UGT2B4: variants seen among roughly 807,000 people sequenced by gnomAD.
UGT2B4 encodes UDP glucuronosyltransferase family 2 member B4.
A neutral mutation model predicts 49.8 loss-of-function variants in UGT2B4; 49 were observed. The observed-to-expected ratio is 0.98, with a 90% CI of 0.78 to 1.25. UGT2B4 has a LOEUF of 1.25. Among genes scored for constraint, UGT2B4 ranks in the 50% most tolerant of loss-of-function variants. The probability of loss-of-function intolerance (pLI) is 0.00; values close to 1 mark genes in which losing one functional copy is unlikely to be tolerated. For synonymous variants in UGT2B4, 246 were observed against 217.7 expected, an observed-to-expected ratio of 1.13 and a Z score of -1.14; for missense variants, 729 against 627.7, an observed-to-expected ratio of 1.16 and a Z score of -1.73.
At chr4:69,525,302 A>G (rs903289519) in intron 1 of UGT2B4, among the ~76,000 whole-genome samples, 3 of 152,134 alleles carry the variant, frequency 2.0e-5, no homozygotes, top group Non-Finnish European at 4.4e-5. Context: ...TTGTCTTGAT[A>G]ATAGTAAATG....
At chr4:69,523,384 A>T (rs544494805) in intron 1 of UGT2B4, among the ~76,000 whole-genome samples, 1 of 152,280 alleles carries the variant, frequency 6.6e-6, no homozygotes, top group East Asian at 1.9e-4. Flanking sequence ...ATGTAATGTT[A>T]TCAGGCATGA....
intron 1 of UGT2B4, among the ~76,000 whole-genome samples, chr4:69,505,561 A>G (rs1277543870): frequency 6.6e-6 from 1 of 152,200 alleles, no homozygotes; most frequent in Admixed American, 6.5e-5. Flanking sequence ...ACCCAGATTC[A>G]TAAAGCAAGT....
intron 3 of UGT2B4, among the ~76,000 whole-genome samples, chr4:69,486,899 G>A (rs1727803528): frequency 1.3e-5 from 2 of 152,050 alleles, no homozygotes; most frequent in African/African-American, 4.8e-5. Flanking sequence ...TTTCAAAATA[G>A]TAGCTTAGAC....
chr4:69,504,432 C>T (rs1281568465), intron 1 of UGT2B4, among the ~76,000 whole-genome samples: 1 of 152,000 alleles, frequency 6.6e-6, no homozygotes, highest in African/African-American at 2.4e-5. Context: ...GGAAATTATA[C>T]CACATGAATT....
chr4:69,518,421 C>T (rs1227978308), intron 1 of UGT2B4: 1 of 152,220 alleles, frequency 6.6e-6, no homozygotes, highest in Non-Finnish European at 1.5e-5. Context: ...ACCTCACACA[C>T]TGCTGTGCAG....
Position 69,495,593 on chromosome 4 carries a change from A to T in UGT2B4, c.269T>A (p.Ile90Asn). The change falls in exon 1 of 6, where the codon ATC (isoleucine) becomes AAC (asparagine). Residue 90 changes from isoleucine to asparagine, a missense_variant. By Grantham distance (149) the Ile-to-Asn change is moderately radical. Coordinates refer to ENST00000305107, the MANE Select transcript of UGT2B4 (RefSeq NM_021139.3). ...SLTKTEFEDI[I>N]KQLVKRWAEL... Reference sequence around the variant, plus strand: ...TGCCCATCTCTTAACCAGCTGCTTGATAATATCCTCAAACTCAGTTTTAGT... The same window carrying T: ...TGCCCATCTCTTAACCAGCTGCTTGTTAATATCCTCAAACTCAGTTTTAGT... 6.2e-7 allele frequency: 1 copy of T among 1,613,998 alleles called. No homozygotes were observed. Among genetic ancestry groups the T allele is most frequent in the Non-Finnish European group, 8.5e-7 (1 of 1,179,980 alleles).
chr4:69,511,873 G>A (rs1316346760), intron 1 of UGT2B4, among the ~76,000 whole-genome samples: 1 of 151,916 alleles, frequency 6.6e-6, no homozygotes, highest in Non-Finnish European at 1.5e-5. Flanking sequence ...ATTTATTCAT[G>A]ACTCAGTCTT....
At chr4:69,489,699 C>G in intron 2 of UGT2B4, 129 bp from the exon 3 acceptor site, 1 of 1,349,622 alleles carries the variant, frequency 7.4e-7, no homozygotes, top group Non-Finnish European at 1.0e-6. Context: ...TGTTTTTTAA[C>G]TGACTCAATT....
intron 1 of UGT2B4, among the ~76,000 whole-genome samples, chr4:69,521,252 C>A (rs1470253083): frequency 1.3e-5 from 2 of 152,216 alleles, no homozygotes; most frequent in African/African-American, 4.8e-5. Context: ...ACAAACCAGC[C>A]TGAAACATGT....
intron 2 of UGT2B4, among the ~76,000 whole-genome samples, chr4:69,492,811 T>C (rs41300012): frequency 0.01 from 1,596 of 152,256 alleles, 25 homozygotes; most frequent in African/African-American, 0.036. Context: ...TAGGTAATTC[T>C]ATCCACTTTC....
chr4:69,485,907 C>T (rs956789039), intron 4 of UGT2B4, among the ~76,000 whole-genome samples: 2 of 152,042 alleles, frequency 1.3e-5, no homozygotes, highest in Non-Finnish European at 2.9e-5. Context: ...ACTGCAGGGA[C>T]AAACAGCCAT....
chr4:69,486,440 G>T (rs1727785438), intron 4 of UGT2B4, 169 bp downstream of exon 4: 2 of 270,780 alleles, frequency 7.4e-6, no homozygotes. Flanking sequence ...ATCATAAAAT[G>T]CCAACAATTT....
intron 4 of UGT2B4, among the ~76,000 whole-genome samples, chr4:69,485,703 G>GA (rs1472864696): frequency 6.6e-6 from 1 of 151,798 alleles, no homozygotes; most frequent in South Asian, 2.1e-4. Flanking sequence ...GTGCAGAAAA[G>GA]AAAAAAAGCA....
Position 69,495,801 on chromosome 4 carries a change from C to T in UGT2B4, c.61G>A (p.Gly21Arg), listed in dbSNP as rs1728145423. ...CACACCAGCACCTTTCCACAACTCCCAGAGCTAAAGTAACAGCTCAGCTGT... is the reference window on the plus strand; with the variant it reads ...CACACCAGCACCTTTCCACAACTCCTAGAGCTAAAGTAACAGCTCAGCTGT... ...LIQLSCYFSSGSCGKVLVWPT... is the reference protein window; with the variant it reads ...LIQLSCYFSSRSCGKVLVWPT... The change falls in exon 1 of 6, where the codon GGG becomes AGG. Residue 21 changes from glycine to arginine, a missense_variant. By Grantham distance (125) the Gly-to-Arg change is moderately radical. Coordinates refer to ENST00000305107, the MANE Select transcript of UGT2B4 (RefSeq NM_021139.3). 1 of 1,613,326 alleles carries T rather than the reference C, an allele frequency of 6.2e-7. No homozygotes were observed. Among genetic ancestry groups the T allele is most frequent in the Non-Finnish European group, 8.5e-7 (1 of 1,179,780 alleles).
At chr4:69,487,837 GCAA>G (rs1464764679) in intron 3 of UGT2B4, among the ~76,000 whole-genome samples, 6 of 151,888 alleles carry the variant, frequency 4.0e-5, no homozygotes, top group African/African-American at 1.4e-4. Context: ...GTGTGAAAAA[GCAA>G]CAACAATTTA....
At chr4:69,495,991 A>G (rs1728151444), upstream of UGT2B4, 8 of 1,407,206 alleles carry the variant, frequency 5.7e-6, no homozygotes, top group Middle Eastern at 3.7e-4. Flanking sequence ...CATTATATTA[A>G]CAGTCTGAGC....
upstream of UGT2B4, among the ~76,000 whole-genome samples, chr4:69,500,610 A>AAAGG (rs1265749209): frequency 1.3e-5 from 1 of 76,828 alleles, no homozygotes; most frequent in Non-Finnish European, 3.0e-5. Flanking sequence ...AGCAAGGAAG[A>AAAGG]AAGAAAGAAA....
In UGT2B4 at chr4:69,502,434, G is replaced by T. The variant is rs1309475574; in HGVS notation, c.-105-6468C>A. 2.0e-5 allele frequency among the ~76,000 whole-genome samples: 3 copies of T among 151,610 alleles called. No homozygotes were observed. The East Asian group carries it at 5.9e-4, about 30-fold the overall frequency. On this transcript the variant is annotated intron_variant, in intron 1 of 1. Coordinates refer to the UGT2B4 transcript ENST00000510114. ...CCAGCAACAGGTCTGTACCTCCCTGGTACAGAGCTATTCGGAAAAAGGGCA... is the reference window on the plus strand; with the variant it reads ...CCAGCAACAGGTCTGTACCTCCCTGTTACAGAGCTATTCGGAAAAAGGGCA...
chr4:69,515,716 A>T (rs1728712418), intron 1 of UGT2B4, among the ~76,000 whole-genome samples: 1 of 152,196 alleles, frequency 6.6e-6, no homozygotes, highest in Non-Finnish European at 1.5e-5. Flanking sequence ...CAATGAATCC[A>T]GGAGCTCATT....
Sources: gnomAD v4.1 joint callset for allele counts (sites outside exome capture counted in the v4.1 genomes callset) on GRCh38, gnomAD v4.1.1 for gene constraint, MANE v1.5 for transcripts, NCBI Gene and HGNC (gene_info 2026-07-23, HGNC 2026-07-21) for gene names.